The following SYTL2 variants were observed in gnomAD, a reference collection of about 807,000 sequenced individuals.
SYTL2 encodes the protein synaptotagmin like 2, also known as synaptotagmin-like protein 2.
In SYTL2, 165 loss-of-function variants were observed where a neutral mutation model predicts 198.7. The observed-to-expected ratio is 0.83, with a 90% CI of 0.73 to 0.94. The LOEUF (loss-of-function observed/expected upper bound fraction) is 0.94, where lower values mean the gene tolerates loss of function less well. SYTL2 is among the 40% of genes least tolerant of loss of function. SYTL2 has a pLI of 0.00. For synonymous variants in SYTL2, 966 were observed against 917.7 expected, an observed-to-expected ratio of 1.05 and a Z score of -0.95; for missense variants, 2,835 against 2,582.8, an observed-to-expected ratio of 1.10 and a Z score of -2.12.
chr11:85,817,869 A>T, the SYTL2 span, among the ~76,000 whole-genome samples: 90 of 125,258 alleles, frequency 7.2e-4, no homozygotes, highest in African/African-American at 2.1e-3. Context: ...TCCCCTGTTT[A>T]TTTTCAAGTA....
chr11:85,808,921 T>G (rs530297702), intron 1 of SYTL2, among the ~76,000 whole-genome samples: 55 of 150,974 alleles, frequency 3.6e-4, no homozygotes, highest in African/African-American at 1.3e-3. Context: ...CTTCATCTAC[T>G]GTATGTTTAA....
At position 85,757,861 on chromosome 11, in the gene SYTL2, T is replaced by C. The variant is rs1243598229; in HGVS notation, c.-136A>G. 15 of 1,355,018 alleles carry C rather than the reference T, an allele frequency of 1.1e-5. No individual in the cohort carries two copies. In the East Asian group the frequency reaches 1.7e-4, roughly 15 times the overall value. 83.9% of individuals were successfully genotyped at this position (1,355,018 alleles called of 1,614,324 possible). A position where few individuals can be genotyped will look rare whatever the true frequency, so the allele number is the denominator to read the frequency against. Reference sequence around the variant, plus strand: ...TGTTCAGTTCTGCATCAAAGTCTTATTTTGGCTCAGCAAAAGTTTAGGGCA... The same window carrying C: ...TGTTCAGTTCTGCATCAAAGTCTTACTTTGGCTCAGCAAAAGTTTAGGGCA... On this transcript the variant is annotated 5_prime_UTR_variant, in exon 2 of 20. Coordinates refer to ENST00000359152, the MANE Select transcript of SYTL2 (RefSeq NM_206927.4).
At chr11:85,719,336 A>C in intron 9 of SYTL2, 1 of 1,152,020 alleles carries the variant, frequency 8.7e-7, no homozygotes, top group Non-Finnish European at 1.1e-6. Context: ...TTGGCAGGCT[A>C]GTGTGAGAGT....
At chr11:85,722,365 G>A (rs1591729883) in intron 8 of SYTL2, among the ~76,000 whole-genome samples, 2 of 151,852 alleles carry the variant, frequency 1.3e-5, no homozygotes, top group East Asian at 1.9e-4. Flanking sequence ...TAGTAGAGAT[G>A]GGGTTTCACC....
the SYTL2 span, among the ~76,000 whole-genome samples, chr11:85,829,059 TTTTG>T: frequency 0.011 from 1,588 of 149,606 alleles, 10 homozygotes; most frequent in Middle Eastern, 0.021. Context: ...GTTTTTTTTT[TTTTG>T]TTTGTTTGTT....
the SYTL2 span, among the ~76,000 whole-genome samples, chr11:85,831,699 A>G: frequency 6.6e-6 from 1 of 152,216 alleles, no homozygotes; most frequent in African/African-American, 2.4e-5. Flanking sequence ...CCAAACTCAT[A>G]AAGATATATA....
chr11:85,833,175 GAAAGAAAC>G, the SYTL2 span, among the ~76,000 whole-genome samples: 1,014 of 138,316 alleles, frequency 7.3e-3, 206 homozygotes, highest in Middle Eastern at 0.014. Context: ...AAGAAAGAAA[GAAAGAAAC>G]AAAGAAAAAA....
At chr11:85,818,304 TACTC>T in the SYTL2 span, among the ~76,000 whole-genome samples, 6 of 152,216 alleles carry the variant, frequency 3.9e-5, no homozygotes, top group Non-Finnish European at 5.9e-5. Flanking sequence ...TTTATTAAAT[TACTC>T]ATTCATGTAC....
At chr11:85,805,357 C>T (rs1366415990) in intron 1 of SYTL2, among the ~76,000 whole-genome samples, 1 of 151,750 alleles carries the variant, frequency 6.6e-6, no homozygotes, top group Non-Finnish European at 1.5e-5. Context: ...AACTGAAAAC[C>T]TAAACCTTTT....
intron 1 of SYTL2, among the ~76,000 whole-genome samples, chr11:85,765,283 C>G (rs1398929230): frequency 6.6e-6 from 1 of 152,216 alleles, no homozygotes; most frequent in Non-Finnish European, 1.5e-5. Flanking sequence ...GTCACCCACG[C>G]TGGAGTGCAA....
At chr11:85,799,292 T>G (rs2092849857) in intron 1 of SYTL2, among the ~76,000 whole-genome samples, 1 of 152,060 alleles carries the variant, frequency 6.6e-6, no homozygotes, top group Non-Finnish European at 1.5e-5. Flanking sequence ...GAAGATAAGA[T>G]GAGGACATAA....
chr11:85,731,124 A>G (rs1159510090), intron 7 of SYTL2, among the ~76,000 whole-genome samples: 2 of 152,202 alleles, frequency 1.3e-5, no homozygotes, highest in African/African-American at 4.8e-5. Flanking sequence ...ATGCTCATGG[A>G]TAGGAAGAAT....
At chr11:85,800,029 TTAAG>T (rs1308682810) in intron 1 of SYTL2, among the ~76,000 whole-genome samples, 1 of 152,176 alleles carries the variant, frequency 6.6e-6, no homozygotes, top group Non-Finnish European at 1.5e-5. Context: ...CATACCATAC[TTAAG>T]TATTAAACTA....
intron 11 of SYTL2, chr11:85,716,210 T>C (rs547519832): frequency 2.6e-5 from 4 of 152,148 alleles, no homozygotes; most frequent in South Asian, 4.1e-4. Context: ...GAACAAAACA[T>C]AGCAAGATAT....
chr11:85,743,142 G>A (rs1021097896), intron 4 of SYTL2, among the ~76,000 whole-genome samples: 2 of 152,144 alleles, frequency 1.3e-5, no homozygotes, highest in African/African-American at 4.8e-5. Context: ...CTGACTCCTG[G>A]CTAAGGAAAT....
At chr11:85,838,918 C>A in the SYTL2 span, among the ~76,000 whole-genome samples, 1 of 152,158 alleles carries the variant, frequency 6.6e-6, no homozygotes, top group Non-Finnish European at 1.5e-5. Context: ...TGTTTATTTA[C>A]TTATTTTTAG....
rs937312345 is a variant in SYTL2, at chr11:85,702,384, C to T, written c.6190-1791G>A. On this transcript the variant is annotated intron_variant, in intron 16 of 19. Coordinates refer to ENST00000359152, the MANE Select transcript of SYTL2 (RefSeq NM_206927.4). ...TCTTTGCAAAGGCAGGGTTTTGCCA[C>T]GTTCCTCAGGCTTGTCTCCATCCAA... is the stretch of plus-strand genomic sequence containing the variant. 4.6e-5 allele frequency among the ~76,000 whole-genome samples: 7 copies of T among 152,068 alleles called. No homozygotes were observed. The East Asian group carries it at 1.4e-3, about 29-fold the overall frequency.
Position 85,724,079 on chromosome 11 carries a change from G to C in SYTL2, c.5279C>G (p.Ser1760Ter). The C allele has an allele frequency of 6.4e-7, 1 of 1,557,922 alleles. No homozygotes were observed. The highest frequency in any genetic ancestry group is 8.6e-7 in the Non-Finnish European group (1 of 1,161,344). ...EKEGFSESDF[S>*]DGNTSSNAES... ...TGCATTAGAACTGGTGTTTCCATCT[G>C]AAAAATCAGACTCAGAGAAACCTTC... The change falls in exon 8 of 20, where the codon TCA (serine) becomes TGA (stop). Residue 1760 changes from serine to a stop codon, truncating the protein, a stop_gained. Coordinates refer to ENST00000359152, the MANE Select transcript of SYTL2 (RefSeq NM_206927.4). LOFTEE classifies it high-confidence loss of function.
At chr11:85,720,506 C>T (rs115321812) in intron 9 of SYTL2, among the ~76,000 whole-genome samples, 2,883 of 152,210 alleles carry the variant, frequency 0.019, 53 homozygotes, top group African/African-American at 0.046. Flanking sequence ...TTGTTAGGCA[C>T]GTTTTGGCAA....
Sources: allele counts gnomAD v4.1 joint callset (sites outside exome capture counted in the v4.1 genomes callset), GRCh38; gene constraint gnomAD v4.1.1; transcripts MANE v1.5; gene names NCBI Gene and HGNC (gene_info 2026-07-23, HGNC 2026-07-21).